The following GAS2L3 variants were observed in gnomAD, a reference collection of about 807,000 sequenced individuals.
GAS2L3 encodes the protein GAS2-like protein 3.
GAS2L3 carries 28 observed loss-of-function variants against 37.0 expected under a neutral mutation model. The ratio of observed to expected loss-of-function variants is 0.76; its 90% CI spans 0.56 to 1.04. The LOEUF (loss-of-function observed/expected upper bound fraction) is 1.04. GAS2L3 is among the 50% of genes least tolerant of loss of function. GAS2L3 has a pLI of 0.00. For missense variants in GAS2L3, 793 were observed against 817.6 expected (o/e 0.97, Z 0.37); for synonymous variants, 290 against 296.6 (o/e 0.98, Z 0.23).
intron 5 of GAS2L3, among the ~76,000 whole-genome samples, chr12:100,610,694 C>T (rs1391356617): frequency 2.0e-5 from 3 of 152,046 alleles, no homozygotes; most frequent in Admixed American, 6.5e-5. Context: ...GACTTAATAT[C>T]CTACTGTACC....
At position 100,575,167 on chromosome 12, in the gene GAS2L3, G is replaced by T. The variant is rs1446020953; in HGVS notation, c.-152+1382G>T. On this transcript the variant is annotated intron_variant, in intron 1 of 9. Transcript: ENST00000547754. ...TTGTAAAGATTAAATGAAATTCCAC[G>T]TAACTAATTTAGCACAGTGCCTGAT... Among the ~76,000 whole-genome samples, 8 of 152,068 alleles carry T rather than the reference G, an allele frequency of 5.3e-5. No individual in the cohort carries two copies. The East Asian group carries it at 1.5e-3, about 29-fold the overall frequency.
At chr12:100,598,661 T>G (rs981167564) in intron 3 of GAS2L3, among the ~76,000 whole-genome samples, 1 of 152,198 alleles carries the variant, frequency 6.6e-6, no homozygotes, top group Non-Finnish European at 1.5e-5. Flanking sequence ...ACTCATAGTT[T>G]CCTATTTTAT....
chr12:100,622,433 G>A (rs769207666), intron 9 of GAS2L3, 51 bp downstream of exon 9: 4 of 919,016 alleles, frequency 4.4e-6, no homozygotes, highest in Non-Finnish European at 6.9e-6. Flanking sequence ...TTTTGAAATT[G>A]GATTTATTGC....
intron 1 of GAS2L3, among the ~76,000 whole-genome samples, chr12:100,584,113 C>T (rs1955748469): frequency 6.6e-6 from 1 of 152,128 alleles, no homozygotes; most frequent in Admixed American, 6.5e-5. Flanking sequence ...ATACTTCTAT[C>T]AACTCTATTT....
In GAS2L3 at chr12:100,624,694, A is replaced by G; in HGVS notation, c.1889A>G (p.Lys630Arg). The G allele has an allele frequency of 5.0e-6, 8 of 1,614,134 alleles. No individual in the cohort carries two copies. Among genetic ancestry groups the G allele is most frequent in the Non-Finnish European group, 6.8e-6 (8 of 1,180,032 alleles). ...QSSTKTQTAP[K>R]SAQTVAKSQH... ...TCTACCAAAACACAAACTGCACCGA[A>G]GTCAGCACAGACTGTCGCTAAGAGC... is the stretch of plus-strand genomic sequence containing the variant. The change falls in exon 10 of 10, where the codon AAG (lysine) becomes AGG (arginine). Residue 630 changes from lysine to arginine, a missense_variant. Transcript: ENST00000547754.
chr12:100,627,960 G>A lies in GAS2L3; in HGVS notation c.*3070G>A, dbSNP rs1027343229. 2 of 152,164 alleles carry A rather than the reference G, an allele frequency of 1.3e-5. No homozygotes were observed. Among genetic ancestry groups the A allele is most frequent in the Non-Finnish European group, 2.9e-5 (2 of 68,024 alleles). The allele number at this position is 152,164 out of a possible 1,614,324, so 9.4% of individuals were successfully genotyped here. The stretch of plus-strand genomic sequence containing the variant: ...TTTACCTTGTTTGGGCTTAAAGTAG[G>A]TATTTAAGGTTTATGTGTTCAAAAT... On this transcript the variant is annotated 3_prime_UTR_variant, in exon 10 of 10. Transcript: ENST00000547754.
At chr12:100,618,305 A>G (rs1416023116) in intron 7 of GAS2L3, 144 bp from the exon 8 acceptor site, 11 of 786,120 alleles carry the variant, frequency 1.4e-5, no homozygotes, top group Non-Finnish European at 2.2e-5. Context: ...TGAGACATTA[A>G]AAAGCATTTT....
At chr12:100,586,345 A>G (rs1031810588) in intron 1 of GAS2L3, among the ~76,000 whole-genome samples, 2 of 152,246 alleles carry the variant, frequency 1.3e-5, no homozygotes, top group African/African-American at 4.8e-5. Flanking sequence ...AACGAGCCTC[A>G]GTAAATTTAG....
rs567193675 is a variant in GAS2L3 at position 100,579,937 on chromosome 12, A to T, written c.-152+6152A>T. 3.0e-5 allele frequency: 23 copies of T among 776,692 alleles called. No homozygotes were observed. The South Asian group carries it at 3.0e-4, about 10-fold the overall frequency. 48.1% of individuals were successfully genotyped at this position (776,692 alleles called of 1,614,324 possible). The stretch of plus-strand genomic sequence containing the variant: ...GTGGAGAGAACTGAAAAAGCGTATG[A>T]CCAAGTATCAGTGGAATCTGTGTTG... On this transcript the variant is annotated intron_variant, in intron 1 of 9. Coordinates refer to ENST00000547754, the MANE Select transcript of GAS2L3 (RefSeq NM_174942.3).
chr12:100,621,478 A>G (rs1956251215), intron 8 of GAS2L3, among the ~76,000 whole-genome samples: 1 of 152,042 alleles, frequency 6.6e-6, no homozygotes, highest in Admixed American at 6.6e-5. Context: ...AACTGGTTGA[A>G]GTAGGGTTCC....
chr12:100,596,260 C>T (rs530115542), intron 3 of GAS2L3, among the ~76,000 whole-genome samples: 5 of 152,180 alleles, frequency 3.3e-5, no homozygotes, highest in African/African-American at 1.2e-4. Flanking sequence ...TATTCATCCC[C>T]TTTTTATCCA....
At chr12:100,612,244 C>A in intron 6 of GAS2L3, 103 bp downstream of exon 6, 1 of 864,512 alleles carries the variant, frequency 1.2e-6, no homozygotes, top group Non-Finnish European at 1.9e-6. Context: ...AATGCCTCAT[C>A]TCATTTTCCT....
rs540110753 is a variant in GAS2L3, at chr12:100,600,567, T to C, written c.187+17T>C. On this transcript the variant is annotated intron_variant, in intron 4 of 9. Transcript: ENST00000547754. ...GTTTATTAGGTGAGGCTTGAAACAA[T>C]ACCCAAAATTGTATTATCTTATTCA... 6.3e-7 allele frequency: 1 copy of C among 1,594,318 alleles called. No individual in the cohort carries two copies. The highest frequency in any genetic ancestry group is 1.1e-5 in the South Asian group (1 of 90,286).
chr12:100,612,941 A>G (rs1157236873), intron 6 of GAS2L3, among the ~76,000 whole-genome samples: 4 of 152,122 alleles, frequency 2.6e-5, no homozygotes, highest in Non-Finnish European at 2.9e-5. Flanking sequence ...TTCTCTACTG[A>G]CAGTACACAC....
At position 100,591,813 on chromosome 12, in the gene GAS2L3, C is replaced by G. The variant is rs1396312017; in HGVS notation, c.-74C>G. The G allele has an allele frequency of 1.3e-5, 2 of 152,102 alleles. No homozygotes were observed. Among genetic ancestry groups the G allele is most frequent in the African/African-American group, 4.8e-5 (2 of 41,438 alleles). 9.4% of individuals were successfully genotyped at this position (152,102 alleles called of 1,614,324 possible). On this transcript the variant is annotated 5_prime_UTR_variant, in exon 2 of 10. In the 5' UTR this introduces an upstream ATG that the reference lacks. Coordinates refer to ENST00000547754, the MANE Select transcript of GAS2L3 (RefSeq NM_174942.3). ...TATTTTCTGGAGCTGTAATTCAAAT[C>G]AGATGTGTTCAATACCTTCTACTAC...
At chr12:100,602,214 A>G (rs1955999721) in intron 5 of GAS2L3, among the ~76,000 whole-genome samples, 1 of 152,096 alleles carries the variant, frequency 6.6e-6, no homozygotes, top group South Asian at 2.1e-4. Flanking sequence ...TTTCTTCTTT[A>G]TATATTCTCC....
chr12:100,627,017 A>G lies in GAS2L3; in HGVS notation c.*2127A>G, dbSNP rs1956338528. Among the ~76,000 whole-genome samples the G allele has an allele frequency of 6.7e-6, 1 of 149,886 alleles. No individual in the cohort carries two copies. ...GGCAGGAGGATCGCTTGAACCCGGG[A>G]GGCAGAGGTTGCAGTGAGCCAAGAT... On this transcript the variant is annotated 3_prime_UTR_variant, in exon 10 of 10. Transcript: ENST00000547754.
At position 100,617,822 on chromosome 12, in the gene GAS2L3, A is replaced by G; in HGVS notation, c.509+15A>G. ...ATTGTGTCAAGGTATGTATTCCACA[A>G]TATTTCAGAATTTCAATGTTATAAA... On this transcript the variant is annotated intron_variant, in intron 7 of 9. Transcript: ENST00000547754. 2 of 1,452,608 alleles carry G rather than the reference A, an allele frequency of 1.4e-6. No homozygotes were observed. The highest frequency in any genetic ancestry group is 2.3e-5 in the East Asian group (1 of 43,926). The allele number at this position is 1,452,608 out of a possible 1,614,324, so 90.0% of individuals were successfully genotyped here.
chr12:100,597,859 A>G (rs1955934415), intron 3 of GAS2L3, among the ~76,000 whole-genome samples: 2 of 152,062 alleles, frequency 1.3e-5, no homozygotes. Flanking sequence ...AACCTCAATA[A>G]GCTTAGTATA....
Sources: allele counts gnomAD v4.1 joint callset (sites outside exome capture counted in the v4.1 genomes callset), GRCh38; gene constraint gnomAD v4.1.1; transcripts MANE v1.5; gene names NCBI Gene and HGNC (gene_info 2026-07-23, HGNC 2026-07-21).